ZNF467: variants seen among roughly 807,000 people sequenced by gnomAD.
ZNF467 encodes zinc finger protein EZI.
Under a neutral mutation model 47.8 loss-of-function variants are expected in ZNF467, and 51 were observed. That is an observed-to-expected ratio of 1.07 (90% CI 0.85 to 1.35). ZNF467 has a LOEUF of 1.35. Ranked by LOEUF, ZNF467 falls within the 40% of genes most tolerant of loss-of-function variation. The pLI, the probability that ZNF467 is intolerant of heterozygous loss-of-function variation, is 0.00. For missense variants in ZNF467, 992 were observed against 858.1 expected, an observed-to-expected ratio of 1.16 and a Z score of -1.95; for synonymous variants, 416 against 372.9, an observed-to-expected ratio of 1.12 and a Z score of -1.33.
chr7:149,766,682 A>T (rs2117418570), intron 4 of ZNF467, among the ~76,000 whole-genome samples: 1 of 152,132 alleles, frequency 6.6e-6, no homozygotes, highest in East Asian at 1.9e-4. Flanking sequence ...CTCACCACAC[A>T]CCTGAGCTTC....
At position 149,769,203 on chromosome 7, in the gene ZNF467, G is replaced by C. The variant is rs1195682033; in HGVS notation, c.152-3C>G. 2.6e-6 allele frequency: 4 copies of C among 1,552,332 alleles called. No homozygotes were observed. The highest frequency in any genetic ancestry group is 3.5e-6 in the Non-Finnish European group (4 of 1,147,478). ...CTCCGGTGTAGGGGCCTCGTGCCCT[G>C]GCAGAGAATAGGATACCTCAAGGAC... On this transcript the variant is annotated splice_region_variant and splice_polypyrimidine_tract_variant and intron_variant, in intron 3 of 4. Coordinates refer to ENST00000302017, the MANE Select transcript of ZNF467 (RefSeq NM_207336.3). This position sits in a 1 kb window ranked among gnomAD's most constrained non-coding sequence, Gnocchi z 5.3.
intron 1 of ZNF467, among the ~76,000 whole-genome samples, chr7:149,771,629 C>T (rs1329607016): frequency 6.6e-6 from 1 of 152,066 alleles, no homozygotes; most frequent in Non-Finnish European, 1.5e-5. Context: ...CACAAAACCA[C>T]CTCTCACCCG....
At chr7:149,768,780 G>C (rs1015368699) in intron 4 of ZNF467, among the ~76,000 whole-genome samples, 1 of 152,228 alleles carries the variant, frequency 6.6e-6, no homozygotes, top group African/African-American at 2.4e-5. Flanking sequence ...CATGGCAACT[G>C]TAATTAGACT....
rs1364570690 is a variant in ZNF467 at position 149,764,719 on chromosome 7, A to C, written c.1783T>G (p.Phe595Val). 1 of 1,570,252 alleles carries C rather than the reference A, an allele frequency of 6.4e-7. No homozygotes were observed. The highest frequency in any genetic ancestry group is 2.3e-5 in the East Asian group (1 of 43,970). ...PPEVAPPPLFF is the reference protein window; with the variant it reads ...PPEVAPPPLFV ...GGTCCTCGTGAGAACTAGGCTCAGA[A>C]GAAGAGCGGGGGCGGCGCCACCTCG... The change falls in exon 5 of 5, where the codon TTC becomes GTC. Residue 595 changes from phenylalanine (F) to valine (V), a missense_variant. Coordinates refer to ENST00000302017, the MANE Select transcript of ZNF467 (RefSeq NM_207336.3).
chr7:149,765,710 C>G lies in ZNF467; in HGVS notation c.792G>C (p.Lys264Asn), dbSNP rs776720188. 1.2e-6 allele frequency: 2 copies of G among 1,612,536 alleles called. No homozygotes were observed. The highest frequency in any genetic ancestry group is 1.1e-5 in the South Asian group (1 of 90,990). The change falls in exon 5 of 5, where the codon AAG (lysine) becomes AAC (asparagine). Residue 264 changes from lysine to asparagine, a missense_variant. Coordinates refer to ENST00000302017, the MANE Select transcript of ZNF467 (RefSeq NM_207336.3). The stretch of plus-strand genomic sequence containing the variant: ...GGAAGGGCCGCTCGCCGGTGTGGGT[C>G]TTTTGGTGCGAGCCCAGGTGGATCT... ...SQKIHLGSHQKTHTGERPFPC... is the reference protein window; with the variant it reads ...SQKIHLGSHQNTHTGERPFPC...
Position 149,770,495 on chromosome 7 carries a change from A to C in ZNF467, c.96T>G (p.Asn32Lys), listed in dbSNP as rs1214615470. Residue 32 changes from asparagine to lysine, a missense_variant, in exon 3 of 5, where the codon AAT becomes AAG. Physicochemically the swap from Asn to Lys is moderately conservative, Grantham distance 94. Transcript: ENST00000302017. ...TAGAAGAGGACATCTGCTCCTGGGC[A>C]TTATGGGATCCTTCCCTGGGCTCAC... Reference protein sequence around the residue: ...PQSEPREGSHNAQEQMSSSRE... With the variant: ...PQSEPREGSHKAQEQMSSSRE... 1 of 1,613,856 alleles carries C rather than the reference A, an allele frequency of 6.2e-7. No homozygotes were observed. Among genetic ancestry groups the C allele is most frequent in the Non-Finnish European group, 8.5e-7 (1 of 1,179,930 alleles).
At chr7:149,770,353 G>T in intron 3 of ZNF467, 87 bp downstream of exon 3, 1 of 718,724 alleles carries the variant, frequency 1.4e-6, no homozygotes. Flanking sequence ...GGAGGGAGGG[G>T]GGAGGGAAGA....
At chr7:149,770,147 T>A (rs968276783) in intron 3 of ZNF467, among the ~76,000 whole-genome samples, 3 of 151,198 alleles carry the variant, frequency 2.0e-5, no homozygotes, top group Non-Finnish European at 2.9e-5. Context: ...CTTATCACCT[T>A]TGAACATAGT....
In ZNF467 at chr7:149,765,116, C is replaced by A; in HGVS notation, c.1386G>T (p.Thr462=). The A allele has an allele frequency of 6.8e-7, 1 of 1,473,624 alleles. No individual in the cohort carries two copies. Among genetic ancestry groups the A allele is most frequent in the Non-Finnish European group, 9.0e-7 (1 of 1,116,776 alleles). 91.3% of individuals were successfully genotyped at this position (1,473,624 alleles called of 1,614,324 possible). ...GCGAGCCGAAGCGGCGGTCACACTG[C>A]GTGCAGGCGAAGGGCCGTTCGCCCG... The part of the protein sequence containing the change: ...VHTGERPFAC[T]QCDRRFGSRP... Residue 462 remains threonine (T), a synonymous_variant, in exon 5 of 5, where the codon ACG becomes ACT. Transcript: ENST00000302017.
At chr7:149,776,352 G>A (rs374877651), upstream of ZNF467, 5 of 1,361,992 alleles carry the variant, frequency 3.7e-6, no homozygotes, top group Non-Finnish European at 4.9e-6. Context: ...GCAGGCGGTG[G>A]TGTGAGTGGA....
Position 149,765,614 on chromosome 7 carries a change from GC to G in ZNF467, c.887del (p.Gly296AlafsTer67), listed in dbSNP as rs1563077510. The G allele has an allele frequency of 6.2e-7, 1 of 1,604,430 alleles. No individual in the cohort carries two copies. The highest frequency in any genetic ancestry group is 8.5e-7 in the Non-Finnish European group (1 of 1,175,626). On this transcript the variant is annotated frameshift_variant, in exon 5 of 5. Coordinates refer to ENST00000302017, the MANE Select transcript of ZNF467 (RefSeq NM_207336.3). LOFTEE classifies it high-confidence loss of function. ...ACTGTGCGCACTGGTAGGGCCTCTC[GC>G]CCGTATGGATGCGCTGGTGCCGAAT... ...HLIRHQRIHT[G>X]ERPYQCAQCA...
intron 1 of ZNF467, among the ~76,000 whole-genome samples, chr7:149,771,457 A>C (rs554030262): frequency 6.6e-6 from 1 of 152,138 alleles, no homozygotes; most frequent in East Asian, 1.9e-4. Flanking sequence ...GGGGAGTGGG[A>C]AACTTCATCT....
Position 149,765,842 on chromosome 7 carries a change from C to G in ZNF467, c.660G>C (p.Glu220Asp), listed in dbSNP as rs1799189787. ...CCTTCTTGCTGAAGCGCTTGTCGCA[C>G]TCGGAGCACGGGAAAGGCCGCTCGC... ...HRGERPFPCS[E>D]CDKRFSKKAH... Residue 220 changes from glutamate (E) to aspartate (D), a missense_variant, in exon 5 of 5, where the codon GAG becomes GAC. Glu to Asp is a conservative substitution (Grantham distance 45). Coordinates refer to ENST00000302017, the MANE Select transcript of ZNF467 (RefSeq NM_207336.3). The G allele has an allele frequency of 6.2e-7, 1 of 1,607,626 alleles. No homozygotes were observed. The highest frequency in any genetic ancestry group is 1.3e-5 in the African/African-American group (1 of 74,700).
intron 2 of ZNF467, among the ~76,000 whole-genome samples, 165 bp from the exon 3 acceptor site, chr7:149,770,721 T>C (rs1228632671): frequency 6.6e-6 from 1 of 152,094 alleles, no homozygotes; most frequent in African/African-American, 2.4e-5. Flanking sequence ...TCAACCTCAG[T>C]CCCTTTGAGT....
intron 4 of ZNF467, among the ~76,000 whole-genome samples, chr7:149,767,149 A>G (rs1052122098): frequency 2.0e-5 from 3 of 152,238 alleles, no homozygotes; most frequent in Non-Finnish European, 4.4e-5. Context: ...ACTTTGGTTC[A>G]GTCACTTAAC....
rs1422381112 is a variant in ZNF467 at position 149,765,232 on chromosome 7, C to T, written c.1270G>A (p.Ala424Thr). 2 of 1,455,064 alleles carry T rather than the reference C, an allele frequency of 1.4e-6. No individual in the cohort carries two copies. The highest frequency in any genetic ancestry group is 1.8e-6 in the Non-Finnish European group (2 of 1,106,082). 90.1% of individuals were successfully genotyped at this position (1,455,064 alleles called of 1,614,324 possible). Residue 424 changes from alanine (A) to threonine (T), a missense_variant, in exon 5 of 5, where the codon GCC becomes ACC. Physicochemically the swap from Ala to Thr is moderately conservative, Grantham distance 58. Transcript: ENST00000302017. ...PGSDPVVPQR[A>T]PSGERSFFCP... ...AAGAAGGACCGCTCGCCCGAGGGGGCGCGCTGGGGCACCACGGGATCGGAT... is the reference window on the plus strand; with the variant it reads ...AAGAAGGACCGCTCGCCCGAGGGGGTGCGCTGGGGCACCACGGGATCGGAT...
chr7:149,775,904 C>T (rs1035069773), upstream of ZNF467: 11 of 591,396 alleles, frequency 1.9e-5, no homozygotes, highest in Non-Finnish European at 2.8e-5. Context: ...CCACAGCCCC[C>T]AGAACTGGCC....
intron 4 of ZNF467, 96 bp downstream of exon 4, chr7:149,768,994 G>T (rs77195367): frequency 9.0e-7 from 1 of 1,113,362 alleles, no homozygotes; most frequent in Non-Finnish European, 1.3e-6. Context: ...CTGTCTTGGG[G>T]GATTACCTGC....
rs1011076262 is a variant in ZNF467 at position 149,769,036 on chromosome 7, G to A, written c.262+54C>T. ...AGATAGCAGCTCCGGAGCTTGCTGG[G>A]CCCCGTTCCCTTGGCCTGAGCCCGT... On this transcript the variant is annotated intron_variant, in intron 4 of 4. Coordinates refer to ENST00000302017, the MANE Select transcript of ZNF467 (RefSeq NM_207336.3). The surrounding 1 kb of genome is among the most constrained non-coding windows in gnomAD (Gnocchi z 5.3). 2.2e-5 allele frequency: 32 copies of A among 1,449,416 alleles called. No individual in the cohort carries two copies. The highest frequency in any genetic ancestry group is 4.6e-5 in the Admixed American group (2 of 43,438). 89.8% of individuals were successfully genotyped at this position (1,449,416 alleles called of 1,614,324 possible). A position where few individuals can be genotyped will look rare whatever the true frequency, so the allele number is the denominator to read the frequency against.
Sources: allele counts gnomAD v4.1 joint callset (sites outside exome capture counted in the v4.1 genomes callset), GRCh38; gene constraint gnomAD v4.1.1; non-coding constraint Gnocchi (gnomAD v3.1); transcripts MANE v1.5; gene names NCBI Gene and HGNC (gene_info 2026-07-23, HGNC 2026-07-21).